The following ATP5MC3 variants were observed in gnomAD, a reference collection of about 807,000 sequenced individuals.
ATP5MC3 encodes ATP synthase F(0) complex subunit C3, mitochondrial.
ATP5MC3 carries 6 observed loss-of-function variants against 15.6 expected under a neutral mutation model. The ratio of observed to expected loss-of-function variants is 0.38; its 90% CI spans 0.21 to 0.76. ATP5MC3 has a LOEUF of 0.76. Ranked by LOEUF, ATP5MC3 falls within the 30% of genes least tolerant of loss-of-function variation. The probability of loss-of-function intolerance (pLI) is 0.44; values close to 1 mark genes in which losing one functional copy is unlikely to be tolerated. For missense variants in ATP5MC3, 132 were observed against 171.2 expected, an observed-to-expected ratio of 0.77 and a Z score of 1.28; for synonymous variants, 66 against 63.3, an observed-to-expected ratio of 1.04 and a Z score of -0.20.
Position 175,177,411 on chromosome 2 carries a change from T to C in ATP5MC3, c.*877A>G, listed in dbSNP as rs1209766152. 2 of 152,170 alleles carry C rather than the reference T, an allele frequency of 1.3e-5. No homozygotes were observed. The highest frequency in any genetic ancestry group is 2.9e-5 in the Non-Finnish European group (2 of 68,010). 9.4% of individuals were successfully genotyped at this position (152,170 alleles called of 1,614,324 possible). A position where few individuals can be genotyped will look rare whatever the true frequency, so the allele number is the denominator to read the frequency against. ...AATATATTTGCTAGGGGAAAAACTG[T>C]CTATAGTAGCACCATCTTCTTCCTT... On this transcript the variant is annotated 3_prime_UTR_variant, in exon 5 of 5. Coordinates refer to ENST00000284727, the MANE Select transcript of ATP5MC3 (RefSeq NM_001689.5).
chr2:175,178,236 C>T lies in ATP5MC3; in HGVS notation c.*52G>A. The T allele has an allele frequency of 6.3e-7, 1 of 1,580,286 alleles. No individual in the cohort carries two copies. Among genetic ancestry groups the T allele is most frequent in the East Asian group, 2.3e-5 (1 of 44,278 alleles). On this transcript the variant is annotated 3_prime_UTR_variant, in exon 5 of 5. Coordinates refer to ENST00000284727, the MANE Select transcript of ATP5MC3 (RefSeq NM_001689.5). ...GTTTTCGGAGTCACAGTAAGATACACAGAATTACATCCGTAATTAATATGA... is the reference window on the plus strand; with the variant it reads ...GTTTTCGGAGTCACAGTAAGATACATAGAATTACATCCGTAATTAATATGA...
chr2:175,180,124 G>A lies in ATP5MC3; in HGVS notation c.94C>T (p.Arg32Ter), dbSNP rs753201238. The A allele has an allele frequency of 5.6e-6, 9 of 1,600,204 alleles. No individual in the cohort carries two copies. Among genetic ancestry groups the A allele is most frequent in the Non-Finnish European group, 4.2e-6 (5 of 1,177,012 alleles). ...TCTCCAGTCCTACTAGCCTCTGGTC[G>A]AGATAACACTGATGCAGAAATTGGT... Reference protein sequence around the residue: ...YRPISASVLSRPEASRTGEGS... With the variant: ...YRPISASVLS The change falls in exon 3 of 5, where the codon CGA becomes TGA. Residue 32 changes from arginine (R) to a stop codon, truncating the protein, a stop_gained. Coordinates refer to ENST00000284727, the MANE Select transcript of ATP5MC3 (RefSeq NM_001689.5). LOFTEE classifies it high-confidence loss of function.
In ATP5MC3 at chr2:175,178,150, T is replaced by G. The variant is rs1700715656; in HGVS notation, c.*138A>C. 1 of 1,401,980 alleles carries G rather than the reference T, an allele frequency of 7.1e-7. No homozygotes were observed. Among genetic ancestry groups the G allele is most frequent in the South Asian group, 1.7e-5 (1 of 59,200 alleles). 86.8% of individuals were successfully genotyped at this position (1,401,980 alleles called of 1,614,324 possible). On this transcript the variant is annotated 3_prime_UTR_variant, in exon 5 of 5. Coordinates refer to ENST00000284727, the MANE Select transcript of ATP5MC3 (RefSeq NM_001689.5). ...GTACAAATCACAGAAGAAATTAAAG[T>G]TTTCATCTTTAATGAAATGACTTTG...
intron 3 of ATP5MC3, 119 bp from the exon 4 acceptor site, chr2:175,179,369 ACAAAT>A: frequency 7.9e-6 from 10 of 1,268,094 alleles, no homozygotes; most frequent in Non-Finnish European, 1.0e-5. Context: ...GTGTAAAGAG[ACAAAT>A]CAAGAGCTTA....
chr2:175,181,448 C>A lies in ATP5MC3; in HGVS notation c.-55G>T. 3.7e-6 allele frequency: 6 copies of A among 1,605,836 alleles called. No individual in the cohort carries two copies. The highest frequency in any genetic ancestry group is 5.1e-6 in the Non-Finnish European group (6 of 1,174,900). On this transcript the variant is annotated 5_prime_UTR_variant, in exon 2 of 5. Coordinates refer to ENST00000284727, the MANE Select transcript of ATP5MC3 (RefSeq NM_001689.5). ...GATATTGGGTGACAGGCGACGTGGG[C>A]TCCTCTCCCGCTTCCTCTCTGCGGA...
At chr2:175,179,331 G>C in intron 3 of ATP5MC3, 81 bp from the exon 4 acceptor site, 1 of 1,458,758 alleles carries the variant, frequency 6.9e-7, no homozygotes, top group Non-Finnish European at 9.1e-7. Flanking sequence ...TTGTCAAAAT[G>C]ATAACTACTT....
chr2:175,179,912 T>C, intron 3 of ATP5MC3, 186 bp downstream of exon 3: 2 of 524,848 alleles, frequency 3.8e-6, no homozygotes, highest in Non-Finnish European at 6.5e-6. Context: ...GATAGAGAAA[T>C]TTCTCTATTC....
chr2:175,181,320 C>T (rs1700766414), intron 2 of ATP5MC3, 35 bp downstream of exon 2: 1 of 1,607,412 alleles, frequency 6.2e-7, no homozygotes, highest in Non-Finnish European at 8.5e-7. Context: ...AAACGCCCAC[C>T]CCTCAATCCC....
chr2:175,180,455 T>G (rs1255327124), intron 2 of ATP5MC3, among the ~76,000 whole-genome samples: 1 of 152,226 alleles, frequency 6.6e-6, no homozygotes, highest in Non-Finnish European at 1.5e-5. Context: ...ATTATTGTAG[T>G]GCCGTAAGTC....
At position 175,181,444 on chromosome 2, in the gene ATP5MC3, T is replaced by C. The variant is rs770212339; in HGVS notation, c.-51A>G. 2.5e-6 allele frequency: 4 copies of C among 1,608,022 alleles called. No individual in the cohort carries two copies. The highest frequency in any genetic ancestry group is 8.5e-7 in the Non-Finnish European group (1 of 1,176,546). ...TGGAGATATTGGGTGACAGGCGACG[T>C]GGGCTCCTCTCCCGCTTCCTCTCTG... On this transcript the variant is annotated 5_prime_UTR_variant, in exon 2 of 5. Transcript: ENST00000284727.
At chr2:175,178,729 T>G in intron 4 of ATP5MC3, 2 of 1,163,274 alleles carry the variant, frequency 1.7e-6, no homozygotes, top group South Asian at 6.2e-5. Context: ...TTAAGGAATG[T>G]GCTCTAATAA....
At chr2:175,180,418 A>T (rs1700752809) in intron 2 of ATP5MC3, among the ~76,000 whole-genome samples, 1 of 152,230 alleles carries the variant, frequency 6.6e-6, no homozygotes, top group Non-Finnish European at 1.5e-5. Context: ...AGTTACAAAG[A>T]GAGTAAGAAC....
intron 1 of ATP5MC3, 74 bp downstream of exon 1, chr2:175,181,582 C>T (rs549516631): frequency 3.0e-6 from 2 of 660,970 alleles, no homozygotes; most frequent in African/African-American, 1.8e-5. Flanking sequence ...AGTGAGGCGC[C>T]GGCACAATGA....
intron 1 of ATP5MC3, 66 bp from the exon 2 acceptor site, chr2:175,181,532 G>T: frequency 1.0e-6 from 1 of 987,602 alleles, no homozygotes; most frequent in Non-Finnish European, 1.5e-6. Flanking sequence ...CCCAGGCCCC[G>T]CAGGCTCCCG....
chr2:175,180,174 C>T lies in ATP5MC3; in HGVS notation c.44G>A (p.Arg15Gln). 6.3e-7 allele frequency: 1 copy of T among 1,576,140 alleles called. No homozygotes were observed. The highest frequency in any genetic ancestry group is 8.5e-7 in the Non-Finnish European group (1 of 1,169,830). ...TCTGTATGCAACTCTGGATCCAGCT[C>T]GGATCTATTAATGAAAAAAAAATAA... ...AKLACTPSLI[R>Q]AGSRVAYRPI... The change falls in exon 3 of 5, where the codon CGA becomes CAA. Residue 15 changes from arginine to glutamine, a missense_variant. By Grantham distance (43) the Arg-to-Gln change is conservative (BLOSUM62 1). Coordinates refer to ENST00000284727, the MANE Select transcript of ATP5MC3 (RefSeq NM_001689.5).
At chr2:175,181,523 CCAGGCCCCG>C (rs1424343001) in intron 1 of ATP5MC3, 57 bp from the exon 2 acceptor site, 34 of 1,138,870 alleles carry the variant, frequency 3.0e-5, no homozygotes, top group Middle Eastern at 5.7e-4. Context: ...TTCTTCCCAC[CCAGGCCCCG>C]CAGGCTCCCG....
rs1364326079 is a variant in ATP5MC3, at chr2:175,176,880, T to TA, written c.*1407dup. 44 of 152,336 alleles carry TA rather than the reference T, an allele frequency of 2.9e-4. No homozygotes were observed. Among genetic ancestry groups the TA allele is most frequent in the Admixed American group, 2.6e-3 (40 of 15,308 alleles). 9.4% of individuals were successfully genotyped at this position (152,336 alleles called of 1,614,324 possible). A position where few individuals can be genotyped will look rare whatever the true frequency, so the allele number is the denominator to read the frequency against. On this transcript the variant is annotated 3_prime_UTR_variant, in exon 5 of 5. Transcript: ENST00000284727. ...TTTTACTTATCCATTCATCAGCTGA[T>TA]AGACATTTGGTTGTTTCTACCTTTC... is the stretch of plus-strand genomic sequence containing the variant.
Position 175,178,264 on chromosome 2 carries a change from G to A in ATP5MC3, c.*24C>T. 3 of 1,598,856 alleles carry A rather than the reference G, an allele frequency of 1.9e-6. No individual in the cohort carries two copies. The highest frequency in any genetic ancestry group is 2.6e-6 in the Non-Finnish European group (3 of 1,175,622). On this transcript the variant is annotated 3_prime_UTR_variant, in exon 5 of 5. Transcript: ENST00000284727. ...AATTACATCCGTAATTAATATGAAT[G>A]CCAACATGTCAAGCAGTAATTTGTT...
At chr2:175,178,897 T>C (rs754809816) in intron 4 of ATP5MC3, 160 bp downstream of exon 4, 4 of 1,222,164 alleles carry the variant, frequency 3.3e-6, no homozygotes, top group Non-Finnish European at 3.3e-6. Context: ...ACACCCCAAA[T>C]GGTGTTATGA....
Sources: allele counts gnomAD v4.1 joint callset (sites outside exome capture counted in the v4.1 genomes callset), GRCh38; gene constraint gnomAD v4.1.1; transcripts MANE v1.5; gene names NCBI Gene and HGNC (gene_info 2026-07-23, HGNC 2026-07-21).